The following CTNNA2 variants were observed in gnomAD, a reference collection of about 807,000 sequenced individuals.
The protein encoded by CTNNA2 is catenin alpha 2, also known as catenin alpha-2.
Under a neutral mutation model 101.0 loss-of-function variants are expected in CTNNA2, and 42 were observed. The observed-to-expected ratio is 0.42, with a 90% CI of 0.32 to 0.54. CTNNA2 has a LOEUF of 0.54. CTNNA2 is among the 20% of genes least tolerant of loss of function. CTNNA2 has a pLI of 0.14. For synonymous variants in CTNNA2, 450 were observed against 456.4 expected, an observed-to-expected ratio of 0.99 and a Z score of 0.18; for missense variants, 871 against 1,223.1, an observed-to-expected ratio of 0.71 and a Z score of 4.29.
intron 1 of CTNNA2, among the ~76,000 whole-genome samples, chr2:79,191,307 C>T (rs1673866763): frequency 6.6e-6 from 1 of 152,204 alleles, no homozygotes; most frequent in Non-Finnish European, 1.5e-5. Context: ...GATTTACAGA[C>T]CATGTGTCTC....
chr2:79,744,260 G>A lies in CTNNA2; in HGVS notation c.103-127G>A, dbSNP rs187665845. 486 of 838,482 alleles carry A rather than the reference G, an allele frequency of 5.8e-4. 3 individuals are homozygous for A. The East Asian group carries it at 0.01, about 17-fold the overall frequency. The allele number at this position is 838,482 out of a possible 1,614,324, so 51.9% of individuals were successfully genotyped here. A position where few individuals can be genotyped will look rare whatever the true frequency, so the allele number is the denominator to read the frequency against. ...AGGTTATGTGAGGAGGCTAAGTGAT[G>A]TGCATTCATGATTTAGTATTGAAAT... is the stretch of plus-strand genomic sequence containing the variant. On this transcript the variant is annotated intron_variant, in intron 2 of 18. Coordinates refer to ENST00000402739, the MANE Select transcript of CTNNA2 (RefSeq NM_001282597.3).
chr2:80,021,802 C>T (rs1694583380), intron 7 of CTNNA2, among the ~76,000 whole-genome samples: 1 of 152,066 alleles, frequency 6.6e-6, no homozygotes, highest in South Asian at 2.1e-4. Flanking sequence ...TATAATACAT[C>T]TCCTGAACTT....
intron 3 of CTNNA2, among the ~76,000 whole-genome samples, chr2:79,772,746 G>A (rs926985608): frequency 3.9e-5 from 6 of 152,108 alleles, no homozygotes; most frequent in Middle Eastern, 3.2e-3. Flanking sequence ...AAAAAAATGT[G>A]TAGAGACAGG....
intron 7 of CTNNA2, among the ~76,000 whole-genome samples, chr2:80,365,291 C>T (rs377347117): frequency 6.6e-6 from 1 of 152,122 alleles, no homozygotes; most frequent in Non-Finnish European, 1.5e-5. Flanking sequence ...AGCTTTCTTC[C>T]CATCAAAGAA....
At chr2:79,793,094 A>G (rs1675413847) in intron 3 of CTNNA2, among the ~76,000 whole-genome samples, 1 of 152,162 alleles carries the variant, frequency 6.6e-6, no homozygotes, top group Admixed American at 6.5e-5. Flanking sequence ...TATGGGCCTA[A>G]GTGGAATATC....
At chr2:79,709,834 T>C (rs1007638771) in intron 2 of CTNNA2, among the ~76,000 whole-genome samples, 1 of 151,932 alleles carries the variant, frequency 6.6e-6, no homozygotes, top group Non-Finnish European at 1.5e-5. Flanking sequence ...AAATCAAAGG[T>C]ATTGCAGCCC....
intron 2 of CTNNA2, among the ~76,000 whole-genome samples, chr2:79,700,477 T>A (rs1684930772): frequency 6.6e-6 from 1 of 152,048 alleles, no homozygotes; most frequent in Non-Finnish European, 1.5e-5. Context: ...CTCCAGTCCC[T>A]TCTTCCCCAA....
chr2:79,452,990 G>C (rs774866970), intron 4 of CTNNA2, among the ~76,000 whole-genome samples: 5 of 152,064 alleles, frequency 3.3e-5, no homozygotes, highest in Admixed American at 6.6e-5. Context: ...AAATTAATTT[G>C]TAATAATTAA....
At chr2:80,067,011 C>A (rs1387749995) in intron 7 of CTNNA2, among the ~76,000 whole-genome samples, 1 of 152,062 alleles carries the variant, frequency 6.6e-6, no homozygotes, top group African/African-American at 2.4e-5. Flanking sequence ...TGCACGATCT[C>A]ACTTATATGT....
At chr2:80,233,187 C>T (rs1458753571) in intron 7 of CTNNA2, among the ~76,000 whole-genome samples, 1 of 152,072 alleles carries the variant, frequency 6.6e-6, no homozygotes, top group Non-Finnish European at 1.5e-5. Context: ...AGAGTATCTT[C>T]TTTAAATTAT....
At chr2:79,417,817 T>C (rs558750378) in intron 4 of CTNNA2, among the ~76,000 whole-genome samples, 1 of 152,260 alleles carries the variant, frequency 6.6e-6, no homozygotes, top group South Asian at 2.1e-4. Context: ...CCACCATATA[T>C]ATTTGTGCTA....
chr2:80,614,820 A>G (rs1008884162), intron 17 of CTNNA2, among the ~76,000 whole-genome samples: 2 of 151,464 alleles, frequency 1.3e-5, no homozygotes, highest in East Asian at 1.9e-4. Flanking sequence ...GTTTCCTTAC[A>G]TTGAACCAAA....
intron 7 of CTNNA2, among the ~76,000 whole-genome samples, chr2:80,132,029 C>T (rs370164614): frequency 2.6e-5 from 4 of 151,984 alleles, no homozygotes; most frequent in East Asian, 1.9e-4. Context: ...TGCAGTGAGC[C>T]GAGATCTTGC....
chr2:79,979,174 C>G (rs1342041533), intron 7 of CTNNA2, among the ~76,000 whole-genome samples: 2 of 151,994 alleles, frequency 1.3e-5, no homozygotes, highest in Admixed American at 6.6e-5. Flanking sequence ...TCACATCAGT[C>G]CAGGATTTTG....
At chr2:80,402,979 C>T (rs901764613) in intron 8 of CTNNA2, among the ~76,000 whole-genome samples, 22 of 151,858 alleles carry the variant, frequency 1.4e-4, no homozygotes, top group Admixed American at 3.9e-4. Flanking sequence ...GGCGTAGCCT[C>T]AGGTGCAAGA....
At chr2:80,079,343 A>G (rs1698963731) in intron 7 of CTNNA2, among the ~76,000 whole-genome samples, 1 of 152,224 alleles carries the variant, frequency 6.6e-6, no homozygotes, top group African/African-American at 2.4e-5. Context: ...CAAGTGAAGA[A>G]GAAAGCTCAC....
intron 2 of CTNNA2, among the ~76,000 whole-genome samples, chr2:79,286,676 C>G (rs549049088): frequency 8.9e-4 from 135 of 151,964 alleles, no homozygotes; most frequent in African/African-American, 3.0e-3. Context: ...TCTCTCTGGC[C>G]GCCCTTAACA....
chr2:80,298,853 T>C (rs990308383), intron 7 of CTNNA2: 1 of 152,200 alleles, frequency 6.6e-6, no homozygotes, highest in African/African-American at 2.4e-5. Flanking sequence ...CAACTATTAA[T>C]ATCAAGGCTA....
At chr2:80,534,067 A>C (rs12611756) in intron 9 of CTNNA2, among the ~76,000 whole-genome samples, 104,442 of 152,010 alleles carry the variant, frequency 0.69, 36,844 homozygotes, top group African/African-American at 0.85. Context: ...GTGATTACCT[A>C]CATTAAAGTC....
Sources: gnomAD v4.1 joint callset for allele counts (sites outside exome capture counted in the v4.1 genomes callset) on GRCh38, gnomAD v4.1.1 for gene constraint, MANE v1.5 for transcripts, NCBI Gene and HGNC (gene_info 2026-07-23, HGNC 2026-07-21) for gene names.